STAT3: variants seen among roughly 807,000 people sequenced by gnomAD.
STAT3 encodes the protein signal transducer and activator of transcription 3, also known as DNA-binding protein APRF.
Under a neutral mutation model 114.3 loss-of-function variants are expected in STAT3, and 7 were observed. That is an observed-to-expected ratio of 0.06 (90% CI 0.03 to 0.11). The LOEUF is 0.11. STAT3 is among the 10% of genes least tolerant of loss of function. The probability of loss-of-function intolerance (pLI) is 1.00; values close to 1 mark genes in which losing one functional copy is unlikely to be tolerated. For synonymous variants in STAT3, 331 were observed against 354.5 expected (o/e 0.93, Z 0.74); for missense variants, 364 against 960.9 (o/e 0.38, Z 8.21).
At chr17:42,328,139 GAC>G (rs1375257713) in intron 14 of STAT3, among the ~76,000 whole-genome samples, 1 of 151,758 alleles carries the variant, frequency 6.6e-6, no homozygotes, top group African/African-American at 2.4e-5. Flanking sequence ...ATATCACAGA[GAC>G]AGTCTAGAAT....
At chr17:42,352,855 A>C (rs2083038403) in intron 1 of STAT3, among the ~76,000 whole-genome samples, 1 of 152,204 alleles carries the variant, frequency 6.6e-6, no homozygotes, top group Non-Finnish European at 1.5e-5. Context: ...AGCACTTGAA[A>C]TGTGGCTGCT....
At chr17:42,388,086 C>G (rs1419057831) in intron 1 of STAT3, 193 bp downstream of exon 1, 1 of 644,744 alleles carries the variant, frequency 1.6e-6, no homozygotes, top group African/African-American at 1.9e-5. Context: ...TCCAGCGCCC[C>G]GAGTCCCTTC....
At chr17:42,388,093 CT>C in intron 1 of STAT3, 185 bp downstream of exon 1, 1 of 720,396 alleles carries the variant, frequency 1.4e-6, no homozygotes, top group Non-Finnish European at 1.9e-6. Flanking sequence ...CCCCGAGTCC[CT>C]TCCGAGGCCC....
rs117120730 is a variant in STAT3 at position 42,346,424 on chromosome 17, A to C, written c.273+145T>G. ...GGGTAAGTATACAGAGCTTTGAGAA[A>C]GGGCTAATTACTTCTCCTGTGATTG... On this transcript the variant is annotated intron_variant, in intron 3 of 23. Transcript: ENST00000264657. 13 of 1,193,886 alleles carry C rather than the reference A, an allele frequency of 1.1e-5. No homozygotes were observed. The African/African-American group carries it at 2.0e-4, about 18-fold the overall frequency. The allele number at this position is 1,193,886 out of a possible 1,614,324, so 74.0% of individuals were successfully genotyped here.
In STAT3 at chr17:42,369,084, G is replaced by A. The variant is rs113363113; in HGVS notation, c.-24+19195C>T. On this transcript the variant is annotated intron_variant, in intron 1 of 23. Coordinates refer to ENST00000264657, the MANE Select transcript of STAT3 (RefSeq NM_139276.3). The stretch of plus-strand genomic sequence containing the variant: ...TTCCTGCAAAAACATGATCTCAGCC[G>A]AGCACGGTGGCTCACACGTAATCCC... Among the ~76,000 whole-genome samples the A allele has an allele frequency of 2.6e-3, 399 of 152,204 alleles. 1 individual carries two copies. Among genetic ancestry groups the A allele is most frequent in the African/African-American group, 9.0e-3 (375 of 41,536 alleles).
chr17:42,340,867 C>G (rs1301164987), intron 4 of STAT3, among the ~76,000 whole-genome samples: 2 of 152,158 alleles, frequency 1.3e-5, no homozygotes, highest in African/African-American at 2.4e-5. Flanking sequence ...TAGGGCCCAC[C>G]ATAAGCAAGA....
intron 21 of STAT3, among the ~76,000 whole-genome samples, chr17:42,320,728 A>G (rs1299647796): frequency 3.8e-5 from 3 of 78,930 alleles, no homozygotes; most frequent in African/African-American, 1.3e-4. Context: ...GACTTAGTCT[A>G]AAAAAAAAAA....
At chr17:42,318,023 G>A (rs890622441) in intron 21 of STAT3, among the ~76,000 whole-genome samples, 1 of 152,090 alleles carries the variant, frequency 6.6e-6, no homozygotes, top group Admixed American at 6.6e-5. Context: ...GCACAATCTC[G>A]GTTACCGCAA....
chr17:42,326,452 G>A lies in STAT3; in HGVS notation c.1282-253C>T, dbSNP rs140946350. Among the ~76,000 whole-genome samples the A allele has an allele frequency of 0.017, 2,628 of 152,088 alleles. 86 individuals are homozygous for A. The highest frequency in any genetic ancestry group is 0.06 in the African/African-American group (2,474 of 41,446). ...GAGCCTAGGAGATGGAGGCTGCAGC[G>A]AGCTATGATTGTGCCACTGCACTCT... is the stretch of plus-strand genomic sequence containing the variant. On this transcript the variant is annotated intron_variant, in intron 14 of 23. Transcript: ENST00000264657.
chr17:42,316,275 G>A (rs1017499267), intron 23 of STAT3: 5 of 341,342 alleles, frequency 1.5e-5, no homozygotes, highest in South Asian at 5.4e-5. Flanking sequence ...TCACTCTGTC[G>A]CCCAGGCTGG....
intron 10 of STAT3, among the ~76,000 whole-genome samples, chr17:42,332,962 C>G (rs1434160315): frequency 6.6e-6 from 1 of 152,134 alleles, no homozygotes; most frequent in African/African-American, 2.4e-5. Context: ...GATCATGCCA[C>G]TGCACACCAG....
chr17:42,340,293 T>C (rs1311451424), intron 4 of STAT3, among the ~76,000 whole-genome samples: 1 of 148,222 alleles, frequency 6.7e-6, no homozygotes, highest in Non-Finnish European at 1.5e-5. Context: ...GAGGTGGAGG[T>C]TGTGGTGAGC....
rs576320733 is a variant in STAT3, at chr17:42,352,293, C to T, written c.-23-3754G>A. ...GGTGGAGGTTGTAGTGAGCCGAGAT[C>T]GCACCACTGCACTCCAGCCTGGGCA... On this transcript the variant is annotated intron_variant, in intron 1 of 23. Coordinates refer to ENST00000264657, the MANE Select transcript of STAT3 (RefSeq NM_139276.3). Among the ~76,000 whole-genome samples the T allele has an allele frequency of 9.2e-5, 14 of 151,940 alleles. No individual in the cohort carries two copies. In the South Asian group the frequency reaches 1.5e-3, roughly 16 times the overall value.
chr17:42,317,123 C>T lies in STAT3; in HGVS notation c.2144+59G>A, dbSNP rs1288588570. 1.9e-6 allele frequency: 3 copies of T among 1,611,172 alleles called. No homozygotes were observed. The Admixed American group carries it at 5.0e-5, about 27-fold the overall frequency. ...ATTAACTCTCACCCAGTGTCCCATT[C>T]CCAGGGATAACTGAGGATATTAGAA... is the stretch of plus-strand genomic sequence containing the variant. On this transcript the variant is annotated intron_variant, in intron 22 of 23. Transcript: ENST00000264657.
In STAT3 at chr17:42,337,870, A is replaced by G. The variant is rs2082291710; in HGVS notation, c.551-13T>C. On this transcript the variant is annotated splice_polypyrimidine_tract_variant and intron_variant, in intron 6 of 23. Transcript: ENST00000264657. This position sits in a 1 kb window ranked among gnomAD's most constrained non-coding sequence, Gnocchi z 4.0. The stretch of plus-strand genomic sequence containing the variant: ...AGATCTTGCATGTCTGCGAAGGAAG[A>G]AAAAACTCCTTGACCTGAGGGAATA... 6.2e-7 allele frequency: 1 copy of G among 1,613,306 alleles called. No individual in the cohort carries two copies. Among genetic ancestry groups the G allele is most frequent in the African/African-American group, 1.3e-5 (1 of 74,974 alleles).
intron 1 of STAT3, among the ~76,000 whole-genome samples, chr17:42,368,609 A>G (rs1438290112): frequency 6.6e-6 from 1 of 151,958 alleles, no homozygotes; most frequent in East Asian, 1.9e-4. Flanking sequence ...GCAGGCATGC[A>G]CCACCACACC....
intron 8 of STAT3, 134 bp from the exon 9 acceptor site, chr17:42,334,183 T>C (rs2082135639): frequency 3.0e-6 from 3 of 1,006,088 alleles, no homozygotes; most frequent in Non-Finnish European, 4.4e-6. Flanking sequence ...TGGTGAAATA[T>C]ATATAGCATG....
chr17:42,319,544 A>G (rs2081384325), intron 21 of STAT3, among the ~76,000 whole-genome samples: 1 of 116,506 alleles, frequency 8.6e-6, no homozygotes, highest in African/African-American at 2.8e-5. Context: ...TCAGGCTCAA[A>G]AAAAAAAAAA....
In STAT3 at chr17:42,360,161, C is replaced by T. The variant is rs1176779068; in HGVS notation, c.-23-11622G>A. 3.3e-5 allele frequency among the ~76,000 whole-genome samples: 5 copies of T among 150,226 alleles called. No homozygotes were observed. In the South Asian group the frequency reaches 8.4e-4, roughly 25 times the overall value. On this transcript the variant is annotated intron_variant, in intron 1 of 23. Transcript: ENST00000264657. ...GGAATCATAACGCACAGTCTGTTTT[C>T]GGAATGTCTGTTCTTCACCACTATA...
Sources: gnomAD v4.1 joint callset for allele counts (sites outside exome capture counted in the v4.1 genomes callset) on GRCh38, gnomAD v4.1.1 for gene constraint, Gnocchi (gnomAD v3.1) non-coding constraint, MANE v1.5 for transcripts, NCBI Gene and HGNC (gene_info 2026-07-23, HGNC 2026-07-21) for gene names.